The following SAXO1 variants were observed in gnomAD, a reference collection of about 807,000 sequenced individuals.
SAXO1 encodes the protein 4930500O09Rik.
SAXO1 carries 21 observed loss-of-function variants against 17.5 expected under a neutral mutation model. The observed-to-expected ratio is 1.20, with a 90% CI of 0.85 to 1.72. The LOEUF is 1.72. Ranked by LOEUF, SAXO1 falls within the 40% of genes most tolerant of loss-of-function variation. SAXO1 has a pLI of 0.00. For missense variants in SAXO1, 843 were observed against 596.0 expected (o/e 1.41, Z -4.32); for synonymous variants, 274 against 216.5 (o/e 1.27, Z -2.33).
chr9:19,015,707 G>C (rs564444080), intron 1 of SAXO1, among the ~76,000 whole-genome samples: 1 of 149,982 alleles, frequency 6.7e-6, no homozygotes, highest in South Asian at 2.1e-4. Context: ...TGAAATTCCT[G>C]GCCTCAAACG....
chr9:18,975,531 A>G (rs1833111731), intron 1 of SAXO1, among the ~76,000 whole-genome samples: 1 of 152,332 alleles, frequency 6.6e-6, no homozygotes, highest in African/African-American at 2.4e-5. Flanking sequence ...AGGATTTTTA[A>G]CAGGTGGCAG....
At chr9:18,934,900 T>C (rs1588401600) in intron 3 of SAXO1, among the ~76,000 whole-genome samples, 1 of 152,202 alleles carries the variant, frequency 6.6e-6, no homozygotes, top group African/African-American at 2.4e-5. Context: ...TGTTCATTTT[T>C]TTCTTTTTAA....
At chr9:19,000,210 G>T (rs546489277) in intron 1 of SAXO1, among the ~76,000 whole-genome samples, 2 of 147,656 alleles carry the variant, frequency 1.4e-5, no homozygotes, top group Non-Finnish European at 3.0e-5. Context: ...CCACCCGGTC[G>T]CCCAAATGAC....
At chr9:18,985,494 C>G (rs1249152149) in intron 1 of SAXO1, among the ~76,000 whole-genome samples, 2 of 152,144 alleles carry the variant, frequency 1.3e-5, no homozygotes, top group Non-Finnish European at 2.9e-5. Flanking sequence ...TCAGAGCTGG[C>G]TAGGTTGTAC....
chr9:18,982,146 C>T (rs1201992095), intron 1 of SAXO1, among the ~76,000 whole-genome samples: 1 of 152,198 alleles, frequency 6.6e-6, no homozygotes, highest in Non-Finnish European at 1.5e-5. Context: ...AGCCCCTCCA[C>T]CCAGCTCAGC....
chr9:18,987,902 A>AG, intron 1 of SAXO1, among the ~76,000 whole-genome samples: 1 of 149,720 alleles, frequency 6.7e-6, no homozygotes, highest in African/African-American at 2.5e-5. Flanking sequence ...GTCTCAAAAA[A>AG]AAAAAAAGAA....
chr9:18,963,104 G>A (rs537876624), intron 1 of SAXO1, among the ~76,000 whole-genome samples: 2 of 152,278 alleles, frequency 1.3e-5, no homozygotes, highest in East Asian at 1.9e-4. Flanking sequence ...AGATCAGATG[G>A]TTGTAGATAT....
chr9:18,978,409 C>G (rs1833239620), intron 1 of SAXO1, among the ~76,000 whole-genome samples: 2 of 152,196 alleles, frequency 1.3e-5, no homozygotes. Context: ...AGCTCACCTG[C>G]TGGGGAGGAG....
intron 1 of SAXO1, among the ~76,000 whole-genome samples, chr9:19,011,867 G>C (rs1834749090): frequency 1.9e-5 from 1 of 51,756 alleles, no homozygotes; most frequent in Admixed American, 1.9e-4. Context: ...TTTTTTTTGA[G>C]ATGGAGTCTC....
At chr9:19,037,784 G>C (rs775105849), upstream of SAXO1, among the ~76,000 whole-genome samples, 4 of 152,144 alleles carry the variant, frequency 2.6e-5, no homozygotes, top group Non-Finnish European at 5.9e-5. Context: ...TTGCTATCAA[G>C]TTACATCAAA....
intron 1 of SAXO1, among the ~76,000 whole-genome samples, chr9:18,981,015 A>G (rs1411933924): frequency 1.3e-5 from 2 of 152,306 alleles, no homozygotes; most frequent in East Asian, 1.9e-4. Flanking sequence ...GTGAAATTCA[A>G]ATCTGACCAG....
chr9:18,946,190 C>G (rs994224967), intron 2 of SAXO1, among the ~76,000 whole-genome samples: 2 of 147,438 alleles, frequency 1.4e-5, no homozygotes, highest in East Asian at 4.0e-4. Flanking sequence ...GCAGGAGAAT[C>G]GCTTGAACTC....
chr9:18,966,951 A>G (rs1454414781), intron 1 of SAXO1, among the ~76,000 whole-genome samples: 1 of 152,096 alleles, frequency 6.6e-6, no homozygotes. Flanking sequence ...TTTTGTTGAT[A>G]TTGATGCTAT....
chr9:18,959,145 AT>A (rs1387651203), intron 1 of SAXO1, among the ~76,000 whole-genome samples: 3 of 152,330 alleles, frequency 2.0e-5, no homozygotes, highest in East Asian at 1.9e-4. Context: ...TTCAACAGAC[AT>A]TCTGAAAAAT....
chr9:19,003,547 T>C (rs1834366361), intron 1 of SAXO1, among the ~76,000 whole-genome samples: 1 of 152,078 alleles, frequency 6.6e-6, no homozygotes, highest in Admixed American at 6.6e-5. Context: ...AAAACAGACA[T>C]ATAGACAAAT....
chr9:18,965,492 T>C (rs1279282585), intron 1 of SAXO1, among the ~76,000 whole-genome samples: 1 of 152,216 alleles, frequency 6.6e-6, no homozygotes, highest in Non-Finnish European at 1.5e-5. Flanking sequence ...TTGATCCCTT[T>C]ACCATTATGT....
chr9:19,026,722 A>G (rs1463265513), intron 1 of SAXO1, among the ~76,000 whole-genome samples: 1 of 152,202 alleles, frequency 6.6e-6, no homozygotes, highest in African/African-American at 2.4e-5. Flanking sequence ...GTAAAGATGG[A>G]AGGTGGTTTA....
At chr9:19,041,161 GAAAAAA>G (rs35085745) in intron 1 of SAXO1, among the ~76,000 whole-genome samples, 2 of 73,036 alleles carry the variant, frequency 2.7e-5, no homozygotes, top group African/African-American at 9.2e-5. Context: ...TGAACAATCT[GAAAAAA>G]AAAAAAAAAA....
chr9:19,023,920 C>A (rs978435386), intron 1 of SAXO1, among the ~76,000 whole-genome samples: 1 of 146,960 alleles, frequency 6.8e-6, no homozygotes, highest in Non-Finnish European at 1.5e-5. Flanking sequence ...GGGAAGATTG[C>A]TTGAGCCCAG....
Sources: allele counts gnomAD v4.1 joint callset (sites outside exome capture counted in the v4.1 genomes callset), GRCh38; gene constraint gnomAD v4.1.1; transcripts MANE v1.5; gene names NCBI Gene and HGNC (gene_info 2026-07-23, HGNC 2026-07-21).